The following AKAP19 variants were observed in gnomAD, a reference collection of about 807,000 sequenced individuals.
The protein encoded by AKAP19 is small A-kinase anchoring protein.
At chr2:190,017,295 T>C in the AKAP19 span, among the ~76,000 whole-genome samples, 2 of 152,142 alleles carry the variant, frequency 1.3e-5, no homozygotes, top group African/African-American at 2.4e-5. Flanking sequence ...TCATAAGTAA[T>C]GGCATACTAC....
the AKAP19 span, among the ~76,000 whole-genome samples, chr2:190,194,475 TATACACACACACACACACAC>T: frequency 7.9e-6 from 1 of 126,820 alleles, no homozygotes; most frequent in Admixed American, 7.9e-5. Flanking sequence ...GTATCCTGTG[TATACACACACACACACACAC>T]ACACACACAC....
the AKAP19 span, among the ~76,000 whole-genome samples, chr2:190,015,383 C>T: frequency 1.3e-5 from 2 of 152,214 alleles, no homozygotes; most frequent in African/African-American, 4.8e-5. Flanking sequence ...AAACAACAGC[C>T]TCAGCTGTAC....
the AKAP19 span, among the ~76,000 whole-genome samples, chr2:189,917,996 A>G: frequency 5.3e-5 from 8 of 152,010 alleles, no homozygotes; most frequent in Non-Finnish European, 1.2e-4. Context: ...TGCTCTATAT[A>G]TTACATTATA....
chr2:189,914,254 A>C, the AKAP19 span, among the ~76,000 whole-genome samples: 1 of 152,074 alleles, frequency 6.6e-6, no homozygotes, highest in Admixed American at 6.5e-5. Flanking sequence ...CTAGTTTCTA[A>C]TCTTAAAGTG....
At chr2:190,079,857 G>GTGTA in the AKAP19 span, 1 of 23,174 alleles carries the variant, frequency 4.3e-5, no homozygotes. Flanking sequence ...AAAATGAGGG[G>GTGTA]TGTGTGTGTG....
the AKAP19 span, among the ~76,000 whole-genome samples, chr2:190,020,988 C>T: frequency 6.6e-6 from 1 of 152,096 alleles, no homozygotes; most frequent in Admixed American, 6.6e-5. Context: ...GAATTTCCTT[C>T]CTTTATAGGA....
At chr2:190,076,862 T>C in the AKAP19 span, among the ~76,000 whole-genome samples, 1 of 152,184 alleles carries the variant, frequency 6.6e-6, no homozygotes, top group African/African-American at 2.4e-5. Context: ...TCATATATTT[T>C]TCTCCCCTCA....
the AKAP19 span, among the ~76,000 whole-genome samples, chr2:190,102,039 A>G: frequency 3.0e-4 from 46 of 152,302 alleles, 1 homozygote; most frequent in African/African-American, 9.6e-4. Context: ...AAATCAATAC[A>G]AAGAAGATCT....
chr2:190,035,848 C>T, the AKAP19 span, among the ~76,000 whole-genome samples: 1 of 152,120 alleles, frequency 6.6e-6, no homozygotes, highest in Non-Finnish European at 1.5e-5. Context: ...CTATGATGGT[C>T]TGTTACGAGT....
chr2:190,099,803 C>T, the AKAP19 span, among the ~76,000 whole-genome samples: 1 of 152,172 alleles, frequency 6.6e-6, no homozygotes, highest in Non-Finnish European at 1.5e-5. Flanking sequence ...CTCAGACTTA[C>T]CATGATATAA....
At chr2:190,042,193 G>A in the AKAP19 span, among the ~76,000 whole-genome samples, 2 of 152,012 alleles carry the variant, frequency 1.3e-5, no homozygotes, top group Non-Finnish European at 2.9e-5. Context: ...TTCAATTTTT[G>A]AGCTTGCTAT....
chr2:189,969,921 G>A, the AKAP19 span, among the ~76,000 whole-genome samples: 1 of 131,972 alleles, frequency 7.6e-6, no homozygotes, highest in Non-Finnish European at 1.5e-5. Flanking sequence ...TGCCCAAGCT[G>A]GAGTGCAGTG....
the AKAP19 span, chr2:189,923,365 T>A: frequency 6.2e-7 from 1 of 1,612,614 alleles, no homozygotes. Context: ...ACAAGACAGA[T>A]CCTCGTTCCA....
At chr2:190,168,650 C>T in the AKAP19 span, among the ~76,000 whole-genome samples, 3 of 152,330 alleles carry the variant, frequency 2.0e-5, no homozygotes, top group Non-Finnish European at 4.4e-5. Flanking sequence ...AAACTTCTTC[C>T]ACCAGATATC....
chr2:189,905,812 C>T, the AKAP19 span, among the ~76,000 whole-genome samples: 1 of 151,928 alleles, frequency 6.6e-6, no homozygotes, highest in African/African-American at 2.4e-5. Flanking sequence ...AATTTTCTTT[C>T]CATGTTAGGG....
chr2:190,181,030 G>C, the AKAP19 span: 52 of 985,484 alleles, frequency 5.3e-5, no homozygotes, highest in Non-Finnish European at 5.7e-5. Flanking sequence ...ACCCGCCCCG[G>C]GCCTGAGCGC....
chr2:190,011,381 T>C, the AKAP19 span, among the ~76,000 whole-genome samples: 1 of 152,168 alleles, frequency 6.6e-6, no homozygotes. Context: ...ATTCTTTAGG[T>C]TGCCTCTTCA....
the AKAP19 span, among the ~76,000 whole-genome samples, chr2:189,945,336 A>C: frequency 0.26 from 40,145 of 152,044 alleles, 6,435 homozygotes; most frequent in African/African-American, 0.46. Flanking sequence ...ACTAAAGGCC[A>C]ATAGCCAGCA....
chr2:189,890,569 T>A, the AKAP19 span, among the ~76,000 whole-genome samples: 1 of 152,190 alleles, frequency 6.6e-6, no homozygotes, highest in South Asian at 2.1e-4. Flanking sequence ...TCTTTGTAAG[T>A]CTCTAAGAAC....
Sources: allele counts gnomAD v4.1 joint callset (sites outside exome capture counted in the v4.1 genomes callset), GRCh38; gene constraint gnomAD v4.1.1; transcripts MANE v1.5; gene names NCBI Gene and HGNC (gene_info 2026-07-23, HGNC 2026-07-21).